EPS15: variants seen among roughly 807,000 people sequenced by gnomAD.
EPS15 encodes epidermal growth factor receptor substrate 15.
Under a neutral mutation model 113.8 loss-of-function variants are expected in EPS15, and 72 were observed. That is an observed-to-expected ratio of 0.63 (90% CI 0.52 to 0.77). The LOEUF (loss-of-function observed/expected upper bound fraction) is 0.77. Among genes scored for constraint, EPS15 ranks in the 30% least tolerant of loss-of-function variants. The pLI is 0.00. For synonymous variants in EPS15, 344 were observed against 363.4 expected (o/e 0.95, Z 0.61); for missense variants, 1,048 against 1,045.8 (o/e 1.00, Z -0.03).
At chr1:51,470,401 T>C (rs1415214092) in intron 4 of EPS15, among the ~76,000 whole-genome samples, 3 of 152,070 alleles carry the variant, frequency 2.0e-5, no homozygotes, top group African/African-American at 7.2e-5. Flanking sequence ...TCCCAGCACT[T>C]TGGGAGGCCG....
intron 21 of EPS15, among the ~76,000 whole-genome samples, chr1:51,383,705 T>C (rs1244260268): frequency 6.6e-6 from 1 of 152,148 alleles, no homozygotes; most frequent in East Asian, 1.9e-4. Flanking sequence ...GGCCCAGGGT[T>C]TGGGGATCCC....
At chr1:51,517,640 A>G (rs1644747798) in intron 1 of EPS15, among the ~76,000 whole-genome samples, 1 of 152,198 alleles carries the variant, frequency 6.6e-6, no homozygotes, top group African/African-American at 2.4e-5. Flanking sequence ...AATACCTAAA[A>G]GTCAGTGCTG....
chr1:51,511,018 T>G (rs1644609855), intron 1 of EPS15, among the ~76,000 whole-genome samples: 1 of 150,990 alleles, frequency 6.6e-6, no homozygotes, highest in African/African-American at 2.4e-5. Context: ...ACACAAAAAT[T>G]AGCCAGGTGT....
At chr1:51,492,099 T>C (rs1356847689) in intron 1 of EPS15, among the ~76,000 whole-genome samples, 1 of 152,112 alleles carries the variant, frequency 6.6e-6, no homozygotes, top group African/African-American at 2.4e-5. Flanking sequence ...TCCACCTGCC[T>C]CGGCCTCCCA....
At chr1:51,385,459 G>C (rs767081212) in intron 21 of EPS15, among the ~76,000 whole-genome samples, 2 of 152,126 alleles carry the variant, frequency 1.3e-5, no homozygotes, top group African/African-American at 2.4e-5. Context: ...TTGTTGGCTG[G>C]TGTATAAAAT....
chr1:51,497,806 A>G (rs1173462563), intron 1 of EPS15, among the ~76,000 whole-genome samples: 1 of 152,004 alleles, frequency 6.6e-6, no homozygotes, highest in African/African-American at 2.4e-5. Flanking sequence ...GTGAAACACC[A>G]TCTCTACTAA....
At chr1:51,393,688 T>C (rs1450099860) in intron 21 of EPS15, among the ~76,000 whole-genome samples, 1 of 152,332 alleles carries the variant, frequency 6.6e-6, no homozygotes, top group Non-Finnish European at 1.5e-5. Flanking sequence ...TGCTCTCCCA[T>C]CCCAAATGAT....
intron 7 of EPS15, 53 bp from the exon 8 acceptor site, chr1:51,461,203 A>AGTTTATG: frequency 7.7e-7 from 1 of 1,299,478 alleles, no homozygotes; most frequent in Non-Finnish European, 1.1e-6. Context: ...TTCATGTTCT[A>AGTTTATG]CTCGAGGGCA....
In EPS15 at chr1:51,401,017, A is replaced by C. The variant is rs1445341971; in HGVS notation, c.1883-64T>G. The C allele has an allele frequency of 7.6e-6, 8 of 1,050,492 alleles. No homozygotes were observed. In the African/African-American group the frequency reaches 1.2e-4, roughly 15 times the overall value. The allele number at this position is 1,050,492 out of a possible 1,614,324, so 65.1% of individuals were successfully genotyped here. ...ATTTACTGTGGTGACACCACTACTTAAAGAGTAACTTTCAAACAAAAGCAA... is the reference window on the plus strand; with the variant it reads ...ATTTACTGTGGTGACACCACTACTTCAAGAGTAACTTTCAAACAAAAGCAA... On this transcript the variant is annotated intron_variant, in intron 18 of 24. Transcript: ENST00000371733.
chr1:51,374,887 A>G (rs1160637687), intron 21 of EPS15, among the ~76,000 whole-genome samples: 5 of 150,468 alleles, frequency 3.3e-5, no homozygotes, highest in Non-Finnish European at 7.4e-5. Context: ...AATTTTTAGT[A>G]GCCATGTTGG....
In EPS15 at chr1:51,360,265, G is replaced by A. The variant is rs114354052; in HGVS notation, c.2544+906C>T. Among the ~76,000 whole-genome samples the A allele has an allele frequency of 5.9e-3, 899 of 152,208 alleles. 11 individuals carry two copies. Among genetic ancestry groups the A allele is most frequent in the African/African-American group, 0.021 (864 of 41,518 alleles). On this transcript the variant is annotated intron_variant, in intron 24 of 24. Transcript: ENST00000371733. The stretch of plus-strand genomic sequence containing the variant: ...AGGTGATAAATAGAAGAAAATCTCT[G>A]TTTTATAGAACAGGCAATGATAACG...
chr1:51,377,804 C>T (rs775459847), intron 21 of EPS15, among the ~76,000 whole-genome samples: 27 of 152,054 alleles, frequency 1.8e-4, no homozygotes, highest in Non-Finnish European at 3.4e-4. Flanking sequence ...CAGCAGCTAA[C>T]ACCTTGATCA....
chr1:51,367,663 G>C (rs929138041), intron 21 of EPS15, among the ~76,000 whole-genome samples: 1 of 152,206 alleles, frequency 6.6e-6, no homozygotes, highest in Non-Finnish European at 1.5e-5. Flanking sequence ...TGGAATGAAT[G>C]ATCTACTCTG....
intron 21 of EPS15, among the ~76,000 whole-genome samples, chr1:51,374,041 G>A (rs943018508): frequency 6.6e-6 from 1 of 152,208 alleles, no homozygotes; most frequent in Non-Finnish European, 1.5e-5. Context: ...AAAGAAAGCA[G>A]AGGCTAAGTA....
chr1:51,444,933 T>G lies in EPS15; in HGVS notation c.910A>C (p.Thr304Pro). The change falls in exon 11 of 25, where the codon ACT becomes CCT. Residue 304 changes from threonine to proline, a missense_variant. Thr to Pro is a conservative substitution (Grantham distance 38). Coordinates refer to ENST00000371733, the MANE Select transcript of EPS15 (RefSeq NM_001981.3). ...IKGIDPPHVL[T>P]PEMIPPSDRA... The stretch of plus-strand genomic sequence containing the variant: ...TCTGATGGTGGAATCATTTCAGGAG[T>G]AAGAACGTGAGGAGGATCAATGCCC... The G allele has an allele frequency of 1.9e-6, 3 of 1,613,958 alleles. No individual in the cohort carries two copies. Among genetic ancestry groups the G allele is most frequent in the Admixed American group, 3.3e-5 (2 of 60,000 alleles).
chr1:51,485,295 C>T lies in EPS15; in HGVS notation c.34-3981G>A, dbSNP rs117478765. Among the ~76,000 whole-genome samples, 1,506 of 152,348 alleles carry T rather than the reference C, an allele frequency of 9.9e-3. 82 individuals carry two copies. In the East Asian group the frequency reaches 0.13, roughly 14 times the overall value. Reference sequence around the variant, plus strand: ...GTGTATTCTCCTTGCAACCTGTCATCGGACTTCCGAGGCTAGTACTTTCAA... The same window carrying T: ...GTGTATTCTCCTTGCAACCTGTCATTGGACTTCCGAGGCTAGTACTTTCAA... On this transcript the variant is annotated intron_variant, in intron 1 of 24. Coordinates refer to ENST00000371733, the MANE Select transcript of EPS15 (RefSeq NM_001981.3).
At chr1:51,423,205 A>G in intron 12 of EPS15, 7 of 1,288,854 alleles carry the variant, frequency 5.4e-6, no homozygotes, top group Non-Finnish European at 6.1e-6. Context: ...GGAGCTCACT[A>G]ACCGTTTGTC....
intron 23 of EPS15, among the ~76,000 whole-genome samples, chr1:51,362,577 C>T (rs564799323): frequency 6.6e-6 from 1 of 152,164 alleles, no homozygotes; most frequent in East Asian, 1.9e-4. Flanking sequence ...TTCTGATAAC[C>T]TCACTTCTAG....
chr1:51,440,487 C>A, intron 11 of EPS15, 55 bp from the exon 12 acceptor site: 2 of 762,306 alleles, frequency 2.6e-6, no homozygotes, highest in Admixed American at 2.4e-5. Context: ...TAATATAAGA[C>A]AAAACACTAA....
Sources: gnomAD v4.1 joint callset for allele counts (sites outside exome capture counted in the v4.1 genomes callset) on GRCh38, gnomAD v4.1.1 for gene constraint, MANE v1.5 for transcripts, NCBI Gene and HGNC (gene_info 2026-07-23, HGNC 2026-07-21) for gene names.